Variants in PXDN observed in about 807,000 individuals in gnomAD.
The protein encoded by PXDN is peroxidasin, also known as peroxidasin homolog.
PXDN carries 77 observed loss-of-function variants against 140.3 expected under a neutral mutation model. The observed-to-expected ratio is 0.55, with a 90% CI of 0.46 to 0.66. PXDN has a LOEUF of 0.66. Ranked by LOEUF, PXDN falls within the 30% of genes least tolerant of loss-of-function variation. The probability of loss-of-function intolerance (pLI) is 0.00; values close to 1 mark genes in which losing one functional copy is unlikely to be tolerated. For synonymous variants in PXDN, 911 were observed against 857.4 expected, an observed-to-expected ratio of 1.06 and a Z score of -1.09; for missense variants, 1,838 against 2,039.5, an observed-to-expected ratio of 0.90 and a Z score of 1.90.
intron 1 of PXDN, among the ~76,000 whole-genome samples, chr2:1,742,240 T>C (rs1300591215): frequency 2.6e-5 from 4 of 152,230 alleles, no homozygotes; most frequent in African/African-American, 4.8e-5. Flanking sequence ...ATTTCTCCAG[T>C]AAAGTGTTTA....
chr2:1,655,627 C>A lies in PXDN; in HGVS notation c.1838-1119G>T, dbSNP rs1050564591. 2.0e-5 allele frequency among the ~76,000 whole-genome samples: 3 copies of A among 151,320 alleles called. No homozygotes were observed. In the South Asian group the frequency reaches 6.3e-4, roughly 32 times the overall value. On this transcript the variant is annotated intron_variant, in intron 14 of 22. Coordinates refer to ENST00000252804, the MANE Select transcript of PXDN (RefSeq NM_012293.3). ...ACCTGCCCCTCCTTACTGGGATCTG[C>A]CCCTCCTGGCAGGAACCTGCCTTCT... is the stretch of plus-strand genomic sequence containing the variant.
At chr2:1,656,886 G>A (rs748396209) in intron 14 of PXDN, among the ~76,000 whole-genome samples, 9 of 98,126 alleles carry the variant, frequency 9.2e-5, no homozygotes, top group Non-Finnish European at 1.3e-4. Context: ...TGCCCTCTCC[G>A]GACAGGGACC....
intron 10 of PXDN, 134 bp downstream of exon 10, chr2:1,666,080 T>C (rs1452906313): frequency 7.1e-6 from 9 of 1,260,738 alleles, no homozygotes; most frequent in Non-Finnish European, 9.8e-6. Context: ...GGGGGTGTAA[T>C]GGATAAAAAT....
At position 1,744,503 on chromosome 2, in the gene PXDN, G is replaced by T. The variant is rs1357179906; in HGVS notation, c.-48C>A. The T allele has an allele frequency of 7.5e-7, 1 of 1,331,164 alleles. No individual in the cohort carries two copies. The allele number at this position is 1,331,164 out of a possible 1,614,324, so 82.5% of individuals were successfully genotyped here. A position where few individuals can be genotyped will look rare whatever the true frequency, so the allele number is the denominator to read the frequency against. On this transcript the variant is annotated 5_prime_UTR_variant, in exon 1 of 23. Coordinates refer to ENST00000252804, the MANE Select transcript of PXDN (RefSeq NM_012293.3). ...TCGGACGCACGGAGCCACCACGGCC[G>T]GCTCCCGACTGCGCCCGCCCGGCCG...
intron 8 of PXDN, among the ~76,000 whole-genome samples, chr2:1,674,841 T>C (rs1217991946): frequency 6.6e-6 from 1 of 151,900 alleles, no homozygotes; most frequent in East Asian, 1.9e-4. Flanking sequence ...ACTTCCTCAG[T>C]GCACGAGATT....
chr2:1,723,488 A>G (rs1572194806), intron 1 of PXDN, among the ~76,000 whole-genome samples: 1 of 152,176 alleles, frequency 6.6e-6, no homozygotes, highest in Admixed American at 6.5e-5. Flanking sequence ...AAATGGGCAG[A>G]TGGATGAATG....
chr2:1,647,237 G>A (rs1682868242), intron 17 of PXDN, among the ~76,000 whole-genome samples: 1 of 152,094 alleles, frequency 6.6e-6, no homozygotes, highest in Admixed American at 6.5e-5. Context: ...CAAATAAACT[G>A]GTAGAAATAA....
intron 1 of PXDN, among the ~76,000 whole-genome samples, chr2:1,724,742 T>C (rs1254692071): frequency 1.3e-5 from 2 of 152,230 alleles, no homozygotes; most frequent in Non-Finnish European, 2.9e-5. Flanking sequence ...TCCAGTACTA[T>C]AATGTTTTAA....
chr2:1,719,857 TGTGTGTGTGTGTGTGTGA>T (rs977331944), intron 1 of PXDN, among the ~76,000 whole-genome samples: 9 of 149,028 alleles, frequency 6.0e-5, no homozygotes, highest in Non-Finnish European at 1.3e-4. Context: ...TGTGTGTGTG[TGTGTGTGTGTGTGTGTGA>T]AAGAGAGAGA....
chr2:1,721,556 G>A (rs920298972), intron 1 of PXDN, among the ~76,000 whole-genome samples: 4 of 152,214 alleles, frequency 2.6e-5, no homozygotes, highest in Non-Finnish European at 4.4e-5. Flanking sequence ...CCTCAAATTG[G>A]CCGGGTGCGG....
chr2:1,696,260 T>G (rs1302200308), intron 1 of PXDN, among the ~76,000 whole-genome samples: 1 of 152,356 alleles, frequency 6.6e-6, no homozygotes, highest in Middle Eastern at 3.4e-3. Flanking sequence ...ATGACATAAG[T>G]AGTTCTCATC....
chr2:1,737,690 C>T (rs193261567), intron 1 of PXDN, among the ~76,000 whole-genome samples: 172 of 152,158 alleles, frequency 1.1e-3, no homozygotes, highest in Admixed American at 7.7e-3. Flanking sequence ...AGGCGTGAGC[C>T]ACCACGCCCG....
At position 1,648,085 on chromosome 2, in the gene PXDN, C is replaced by T; in HGVS notation, c.3608+87G>A. On this transcript the variant is annotated intron_variant, in intron 17 of 22. Transcript: ENST00000252804. The surrounding 1 kb of genome is among the most constrained non-coding windows in gnomAD (Gnocchi z 8.9). ...CTGCACGACACGAACAAAACTCACA[C>T]ACAGAGACAAATAACACACACACCA... The T allele has an allele frequency of 6.7e-7, 1 of 1,503,182 alleles. No individual in the cohort carries two copies. Among genetic ancestry groups the T allele is most frequent in the Non-Finnish European group, 9.0e-7 (1 of 1,106,660 alleles). 93.1% of individuals were successfully genotyped at this position (1,503,182 alleles called of 1,614,324 possible).
intron 1 of PXDN, 72 bp downstream of exon 1, chr2:1,744,184 G>A (rs1375257848): frequency 2.6e-5 from 19 of 725,714 alleles, no homozygotes; most frequent in Non-Finnish European, 3.4e-5. Flanking sequence ...CCCCACCTCC[G>A]ATCACCCCTG....
At chr2:1,719,898 CAG>C (rs1162438849) in intron 1 of PXDN, among the ~76,000 whole-genome samples, 2 of 67,462 alleles carry the variant, frequency 3.0e-5, no homozygotes, top group Admixed American at 1.6e-4. Flanking sequence ...GAGGGAGATT[CAG>C]AGAGAGAGGG....
chr2:1,706,194 T>C (rs553192828), intron 1 of PXDN, among the ~76,000 whole-genome samples: 31 of 152,150 alleles, frequency 2.0e-4, no homozygotes, highest in Admixed American at 3.9e-4. Flanking sequence ...GGTTATTCTA[T>C]GAAATTGGGA....
At position 1,673,729 on chromosome 2, in the gene PXDN, T is replaced by G; in HGVS notation, c.932A>C (p.Asp311Ala). ...TGCCATGCACTGGTAGATACCCTGG[T>G]CTGTCTCCTGTGTGTTCTGGATCAT... ...TLMIQNTQET[D>A]QGIYQCMAKN... The change falls in exon 9 of 23, where the codon GAC becomes GCC. Residue 311 changes from aspartate (D) to alanine (A), a missense_variant. By Grantham distance (126) the Asp-to-Ala change is moderately radical. This residue lies in a region of PXDN where 208 missense variants were observed against 325.8 expected (regional missense o/e 0.64). Coordinates refer to ENST00000252804, the MANE Select transcript of PXDN (RefSeq NM_012293.3). 3 of 1,614,050 alleles carry G rather than the reference T, an allele frequency of 1.9e-6. No homozygotes were observed. The highest frequency in any genetic ancestry group is 2.5e-6 in the Non-Finnish European group (3 of 1,179,900).
At chr2:1,704,964 C>T (rs568290131) in intron 1 of PXDN, among the ~76,000 whole-genome samples, 2 of 152,104 alleles carry the variant, frequency 1.3e-5, no homozygotes, top group South Asian at 2.1e-4. Context: ...ATGCATCATC[C>T]GTCAGTGTAT....
chr2:1,648,481 T>C lies in PXDN; in HGVS notation c.3299A>G (p.Lys1100Arg), dbSNP rs1466339171. ...AATCCGGAAGGGAGAGAAGAAAGCT[T>C]TGTGAAGGGGGAGGTGATCTTGTGC... Reference protein sequence around the residue: ...PIAQDHLPLHKAFFSPFRIVN... With the variant: ...PIAQDHLPLHRAFFSPFRIVN... Residue 1100 changes from lysine to arginine, a missense_variant, in exon 17 of 23, where the codon AAA (lysine) becomes AGA (arginine). Around this residue, in one of 5 missense-constraint regions of PXDN, gnomAD observed 850 missense variants for 894.1 expected, o/e 0.95. Transcript: ENST00000252804. This position sits in a 1 kb window ranked among gnomAD's most constrained non-coding sequence, Gnocchi z 8.9. 6.2e-7 allele frequency: 1 copy of C among 1,611,366 alleles called. No individual in the cohort carries two copies. Among genetic ancestry groups the C allele is most frequent in the Admixed American group, 1.7e-5 (1 of 59,992 alleles).
Sources: gnomAD v4.1 joint callset for allele counts (sites outside exome capture counted in the v4.1 genomes callset) on GRCh38, gnomAD v4.1.1 for gene constraint, gnomAD v4.1.1 regional missense constraint, Gnocchi (gnomAD v3.1) non-coding constraint, MANE v1.5 for transcripts, NCBI Gene and HGNC (gene_info 2026-07-23, HGNC 2026-07-21) for gene names.